The following MCM9 variants were observed in gnomAD, a reference collection of about 807,000 sequenced individuals.
The protein encoded by MCM9 is minichromosome maintenance 9 homologous recombination repair factor, also known as DNA helicase MCM9.
MCM9 carries 55 observed loss-of-function variants against 72.8 expected under a neutral mutation model. The observed-to-expected ratio is 0.76, with a 90% CI of 0.61 to 0.95. The LOEUF (loss-of-function observed/expected upper bound fraction) is 0.95, where lower values mean the gene tolerates loss of function less well. Ranked by LOEUF, MCM9 falls within the 40% of genes least tolerant of loss-of-function variation. MCM9 has a pLI of 0.00. For missense variants in MCM9, 1,279 were observed against 1,377.0 expected, an observed-to-expected ratio of 0.93 and a Z score of 1.13; for synonymous variants, 480 against 503.4, an observed-to-expected ratio of 0.95 and a Z score of 0.62.
intron 11 of MCM9, 74 bp from the exon 12 acceptor site, chr6:118,826,938 TCAC>T: frequency 8.6e-7 from 1 of 1,168,056 alleles, no homozygotes; most frequent in Non-Finnish European, 1.2e-6. Flanking sequence ...TTCCTCCTCC[TCAC>T]CATTTGTATT....
At chr6:118,918,353 C>T (rs529264510) in intron 5 of MCM9, 1 of 153,008 alleles carries the variant, frequency 6.5e-6, no homozygotes, top group East Asian at 1.9e-4. Context: ...CTTCAAAGTT[C>T]CTTCCCACAA....
At chr6:118,874,874 G>A (rs1192072921) in intron 8 of MCM9, among the ~76,000 whole-genome samples, 1 of 152,256 alleles carries the variant, frequency 6.6e-6, no homozygotes, top group African/African-American at 2.4e-5. Context: ...AGCACTCTGG[G>A]AGGCTGAGGC....
At chr6:118,826,101 A>G in intron 13 of MCM9, 46 bp downstream of exon 13, 1 of 1,525,154 alleles carries the variant, frequency 6.6e-7, no homozygotes, top group Non-Finnish European at 8.8e-7. Flanking sequence ...CTAAATGCCA[A>G]ACAAGGATTT....
chr6:118,893,826 A>G (rs187777970), intron 8 of MCM9, among the ~76,000 whole-genome samples: 21 of 137,572 alleles, frequency 1.5e-4, no homozygotes, highest in Middle Eastern at 3.6e-3. Context: ...AAGAGCGTTA[A>G]ATCAAAAAAC....
intron 9 of MCM9, among the ~76,000 whole-genome samples, chr6:118,843,693 T>C (rs1189722881): frequency 7.3e-5 from 5 of 68,610 alleles, no homozygotes; most frequent in African/African-American, 3.1e-4. Flanking sequence ...TATGTGTATA[T>C]ATATATATAT....
intron 9 of MCM9, among the ~76,000 whole-genome samples, chr6:118,842,516 T>C (rs1775443585): frequency 6.6e-6 from 1 of 152,186 alleles, no homozygotes; most frequent in Admixed American, 6.5e-5. Context: ...ATTTTAATAC[T>C]GACACCCTTT....
At chr6:118,840,281 G>C (rs1254046025) in intron 9 of MCM9, among the ~76,000 whole-genome samples, 2 of 152,044 alleles carry the variant, frequency 1.3e-5, no homozygotes, top group South Asian at 2.1e-4. Context: ...TATGGTATTG[G>C]GAGGTGGGGC....
intron 3 of MCM9, 96 bp from the exon 4 acceptor site, chr6:118,924,223 AT>A: frequency 9.0e-7 from 1 of 1,109,608 alleles, no homozygotes. Context: ...ATAAATTTTA[AT>A]TTCAGGGGGA....
chr6:118,858,718 C>G (rs1313329083), intron 8 of MCM9, among the ~76,000 whole-genome samples: 1 of 152,048 alleles, frequency 6.6e-6, no homozygotes, highest in Non-Finnish European at 1.5e-5. Flanking sequence ...AAAATACATG[C>G]AAGAATCTCT....
intron 2 of MCM9, among the ~76,000 whole-genome samples, chr6:118,932,050 C>T (rs549199463): frequency 6.7e-4 from 102 of 152,328 alleles, no homozygotes; most frequent in African/African-American, 2.2e-3. Flanking sequence ...AATATACAGG[C>T]ATGCACCTAA....
At chr6:118,817,958 T>A (rs1464204196) in intron 13 of MCM9, among the ~76,000 whole-genome samples, 1 of 152,232 alleles carries the variant, frequency 6.6e-6, no homozygotes, top group Non-Finnish European at 1.5e-5. Context: ...TCTGTTCATA[T>A]CCTTCACCCA....
At chr6:118,856,323 T>C in intron 9 of MCM9, 48 bp downstream of exon 9, 1 of 1,489,502 alleles carries the variant, frequency 6.7e-7, no homozygotes, top group Non-Finnish European at 8.9e-7. Context: ...CCCCTAAGCA[T>C]ATATTAAATA....
chr6:118,842,536 G>T (rs1562406494), intron 9 of MCM9, among the ~76,000 whole-genome samples: 1 of 151,970 alleles, frequency 6.6e-6, no homozygotes, highest in Non-Finnish European at 1.5e-5. Flanking sequence ...TCTGCCCCCA[G>T]AGGCAGAGAG....
intron 9 of MCM9, among the ~76,000 whole-genome samples, chr6:118,838,463 T>A (rs1486050415): frequency 6.6e-6 from 1 of 151,704 alleles, no homozygotes; most frequent in African/African-American, 2.4e-5. Context: ...CCGGCTTTTT[T>A]GTATTTTTAT....
chr6:118,931,744 GAA>G lies in MCM9; in HGVS notation c.-15-8_-15-7del. 1 of 1,341,980 alleles carries G rather than the reference GAA, an allele frequency of 7.5e-7. No individual in the cohort carries two copies. The highest frequency in any genetic ancestry group is 9.9e-7 in the Non-Finnish European group (1 of 1,011,916). 83.1% of individuals were successfully genotyped at this position (1,341,980 alleles called of 1,614,324 possible). ...TTCATCTTGAATCTAGGTAACTAAA[GAA>G]AAAAAAAAGGATCATATTATATATT... On this transcript the variant is annotated splice_polypyrimidine_tract_variant and splice_region_variant and intron_variant, in intron 2 of 13. Transcript: ENST00000619706.
At position 118,826,153 on chromosome 6, in the gene MCM9, A is replaced by G; in HGVS notation, c.1955T>C (p.Leu652Pro). The part of the protein sequence containing the change: ...QSLLSEELRR[L>P]ERLQNQSVHQ... ...CTGGGTTTTCATTCCTCACCTTTCA[A>G]GTCTTCTAAGCTCTTCACTCAAGAG... The change falls in exon 13 of 14, where the codon CTT becomes CCT. Residue 652 changes from leucine to proline, a missense_variant. Transcript: ENST00000619706. 6.5e-7 allele frequency: 1 copy of G among 1,547,386 alleles called. No individual in the cohort carries two copies. Among genetic ancestry groups the G allele is most frequent in the South Asian group, 1.2e-5 (1 of 83,806 alleles).
At chr6:118,889,526 G>C (rs1583552783) in intron 8 of MCM9, among the ~76,000 whole-genome samples, 1 of 152,186 alleles carries the variant, frequency 6.6e-6, no homozygotes, top group African/African-American at 2.4e-5. Context: ...GAGAGCAGTA[G>C]AGGGTTAGAG....
At position 118,828,702 on chromosome 6, in the gene MCM9, A is replaced by G. The variant is rs145275072; in HGVS notation, c.1528+346T>C. ...GCCCGGCCTGAGTAAATCTGATTTA[A>G]AGAGAAGCCTACATTTAGAGATTTG... On this transcript the variant is annotated intron_variant, in intron 10 of 13. Transcript: ENST00000619706. 1.8e-3 allele frequency among the ~76,000 whole-genome samples: 277 copies of G among 152,352 alleles called. 1 individual carries two copies. Among genetic ancestry groups the G allele is most frequent in the South Asian group, 0.01 (50 of 4,830 alleles).
chr6:118,898,695 G>T (rs992461412), intron 8 of MCM9, among the ~76,000 whole-genome samples: 1 of 152,184 alleles, frequency 6.6e-6, no homozygotes, highest in Non-Finnish European at 1.5e-5. Flanking sequence ...TGGGATTACA[G>T]GCGTGAGCCA....
Sources: gnomAD v4.1 joint callset for allele counts (sites outside exome capture counted in the v4.1 genomes callset) on GRCh38, gnomAD v4.1.1 for gene constraint, MANE v1.5 for transcripts, NCBI Gene and HGNC (gene_info 2026-07-23, HGNC 2026-07-21) for gene names.